Variants in SGCD observed in about 807,000 individuals in gnomAD.
The protein encoded by SGCD is delta-sarcoglycan.
A neutral mutation model predicts 36.6 loss-of-function variants in SGCD; 18 were observed. The observed-to-expected ratio is 0.49, with a 90% CI of 0.34 to 0.73. The LOEUF (loss-of-function observed/expected upper bound fraction) is 0.73. Ranked by LOEUF, SGCD falls within the 30% of genes least tolerant of loss-of-function variation. The pLI, the probability that SGCD is intolerant of heterozygous loss-of-function variation, is 0.01. For synonymous variants in SGCD, 133 were observed against 130.6 expected (o/e 1.02, Z -0.12); for missense variants, 387 against 346.7 (o/e 1.12, Z -0.92).
chr5:156,476,212 G>A (rs911625967), intron 3 of SGCD, among the ~76,000 whole-genome samples: 6 of 152,182 alleles, frequency 3.9e-5, no homozygotes, highest in Non-Finnish European at 8.8e-5. Flanking sequence ...CTGCAGGCCT[G>A]TCAGCAACCT....
intron 1 of SGCD, among the ~76,000 whole-genome samples, chr5:155,934,377 C>G (rs922245924): frequency 7.2e-5 from 11 of 152,150 alleles, no homozygotes; most frequent in Non-Finnish European, 1.0e-4. Context: ...TTTTAACGAT[C>G]TTTTTTTGCG....
chr5:156,560,422 T>C (rs889825890), intron 4 of SGCD, among the ~76,000 whole-genome samples: 21 of 152,296 alleles, frequency 1.4e-4, no homozygotes, highest in African/African-American at 5.1e-4. Flanking sequence ...TTCTAATTTC[T>C]GAAATTTACT....
chr5:156,175,466 T>C (rs1763444023), intron 3 of SGCD, among the ~76,000 whole-genome samples: 1 of 152,286 alleles, frequency 6.6e-6, no homozygotes, highest in South Asian at 2.1e-4. Flanking sequence ...TACACCATAT[T>C]TTACCTCTTA....
At chr5:156,728,609 C>CA (rs1182483902) in intron 7 of SGCD, among the ~76,000 whole-genome samples, 1 of 151,096 alleles carries the variant, frequency 6.6e-6, no homozygotes, top group Non-Finnish European at 1.5e-5. Context: ...CCCCCACCAC[C>CA]ACCCCAAGAT....
intron 4 of SGCD, among the ~76,000 whole-genome samples, chr5:156,547,188 C>T (rs932895263): frequency 1.1e-4 from 16 of 152,088 alleles, no homozygotes; most frequent in African/African-American, 3.9e-4. Flanking sequence ...ACATTTGGGG[C>T]CAGATTTCTC....
intron 1 of SGCD, among the ~76,000 whole-genome samples, chr5:156,023,849 A>G (rs1263994117): frequency 6.6e-6 from 1 of 152,160 alleles, no homozygotes; most frequent in Non-Finnish European, 1.5e-5. Flanking sequence ...TTTGGTCTCA[A>G]CTTCTACTCT....
the SGCD span, among the ~76,000 whole-genome samples, chr5:155,835,855 T>C: frequency 6.6e-6 from 1 of 152,072 alleles, no homozygotes; most frequent in East Asian, 1.9e-4. Flanking sequence ...CCATTCAGAG[T>C]AGTGTGATGA....
At chr5:156,133,383 A>G (rs1762373372) in intron 3 of SGCD, among the ~76,000 whole-genome samples, 1 of 152,052 alleles carries the variant, frequency 6.6e-6, no homozygotes, top group African/African-American at 2.4e-5. Flanking sequence ...ATATAATCTC[A>G]TTTTTTCACT....
intron 3 of SGCD, among the ~76,000 whole-genome samples, chr5:156,243,708 G>A (rs572425315): frequency 6.6e-6 from 1 of 152,280 alleles, no homozygotes; most frequent in South Asian, 2.1e-4. Context: ...GGAAATGTCT[G>A]ATTCTAAGTC....
At chr5:156,155,425 A>T (rs1326129459) in intron 3 of SGCD, among the ~76,000 whole-genome samples, 3 of 151,514 alleles carry the variant, frequency 2.0e-5, no homozygotes. Context: ...TTGGCTTTTT[A>T]TGCGAAATAT....
intron 3 of SGCD, among the ~76,000 whole-genome samples, chr5:156,494,811 A>T (rs1201380300): frequency 6.6e-6 from 1 of 152,054 alleles, no homozygotes; most frequent in Admixed American, 6.6e-5. Context: ...ACATTGGCTG[A>T]TGCCATTCTT....
intron 1 of SGCD, among the ~76,000 whole-genome samples, chr5:156,008,590 G>T (rs534376082): frequency 5.3e-5 from 8 of 152,180 alleles, no homozygotes. Context: ...TGCCCAGGCT[G>T]GTCTCAAATT....
chr5:156,535,308 A>G (rs1284960543), intron 4 of SGCD, among the ~76,000 whole-genome samples: 5 of 152,230 alleles, frequency 3.3e-5, no homozygotes, highest in Non-Finnish European at 5.9e-5. Context: ...ATTGACTTTA[A>G]TAGGTCCTGA....
At chr5:156,153,724 G>A (rs1251902737) in intron 3 of SGCD, among the ~76,000 whole-genome samples, 9 of 151,578 alleles carry the variant, frequency 5.9e-5, no homozygotes, top group Non-Finnish European at 1.3e-4. Flanking sequence ...GAAGACTCTA[G>A]GGTGATGGTC....
chr5:156,089,607 T>C (rs1311127153), intron 1 of SGCD, among the ~76,000 whole-genome samples: 5 of 152,204 alleles, frequency 3.3e-5, no homozygotes, highest in Non-Finnish European at 7.3e-5. Flanking sequence ...CCTATAATTC[T>C]TACTGGCCTT....
the SGCD span, among the ~76,000 whole-genome samples, chr5:155,812,450 C>T: frequency 6.6e-6 from 1 of 152,164 alleles, no homozygotes; most frequent in Admixed American, 6.5e-5. Flanking sequence ...TTTGTATTTA[C>T]AATAATCAGG....
rs1561574797 is a variant in SGCD at position 156,229,239 on chromosome 5, C to CACATATATATATACATATATATATATAT, written c.-43-100294_-43-100293insCATATATATATACATATATATATATATA. On this transcript the variant is annotated intron_variant, in intron 3 of 9. Coordinates refer to the SGCD transcript ENST00000517913. ...AATAAACTTTATATACATATACATA[C>CACATATATATATACATATATATATATAT]ATATATATATATACATACATACATA... 3.9e-5 allele frequency among the ~76,000 whole-genome samples: 4 copies of CACATATATATATACATATATATATATAT among 103,846 alleles called. 1 individual carries two copies. Among genetic ancestry groups the CACATATATATATACATATATATATATAT allele is most frequent in the African/African-American group, 1.4e-4 (4 of 28,822 alleles). 68.1% of individuals were successfully genotyped at this position (103,846 alleles called of 152,430 possible).
intron 3 of SGCD, among the ~76,000 whole-genome samples, chr5:156,450,684 A>T (rs914225528): frequency 6.6e-6 from 1 of 152,124 alleles, no homozygotes; most frequent in African/African-American, 2.4e-5. Context: ...CCTATTGCCA[A>T]CAAAACACTG....
intron 4 of SGCD, among the ~76,000 whole-genome samples, chr5:156,518,348 A>C (rs1285325114): frequency 6.6e-6 from 1 of 152,220 alleles, no homozygotes; most frequent in Non-Finnish European, 1.5e-5. Flanking sequence ...ACAAGTTCTT[A>C]GAGACCTACA....
Sources: gnomAD v4.1 joint callset for allele counts (sites outside exome capture counted in the v4.1 genomes callset) on GRCh38, gnomAD v4.1.1 for gene constraint, MANE v1.5 for transcripts, NCBI Gene and HGNC (gene_info 2026-07-23, HGNC 2026-07-21) for gene names.